Variants in VAV3 observed in about 807,000 individuals in gnomAD.
The protein encoded by VAV3 is vav guanine nucleotide exchange factor 3.
In VAV3, 94 loss-of-function variants were observed where a neutral mutation model predicts 131.2. That is an observed-to-expected ratio of 0.72 (90% CI 0.61 to 0.85). VAV3 has a LOEUF of 0.85. Ranked by LOEUF, VAV3 falls within the 40% of genes least tolerant of loss-of-function variation. The probability of loss-of-function intolerance (pLI) is 0.00; values close to 1 mark genes in which losing one functional copy is unlikely to be tolerated. For synonymous variants in VAV3, 349 were observed against 342.0 expected (o/e 1.02, Z -0.22); for missense variants, 939 against 1,002.7 (o/e 0.94, Z 0.86).
intron 1 of VAV3, among the ~76,000 whole-genome samples, chr1:107,912,441 G>A (rs1382962160): frequency 6.6e-6 from 1 of 152,084 alleles, no homozygotes; most frequent in Non-Finnish European, 1.5e-5. Flanking sequence ...CTTATCCTCT[G>A]ATTTTTAAAA....
chr1:107,954,749 A>G (rs1265774221), intron 1 of VAV3, among the ~76,000 whole-genome samples: 1 of 148,484 alleles, frequency 6.7e-6, no homozygotes, highest in Non-Finnish European at 1.5e-5. Context: ...AGCCCCACAC[A>G]ACAGGAAAAT....
At chr1:107,603,649 C>G (rs928617902) in intron 22 of VAV3, among the ~76,000 whole-genome samples, 5 of 151,894 alleles carry the variant, frequency 3.3e-5, no homozygotes, top group Non-Finnish European at 7.4e-5. Flanking sequence ...CATTCGTCCA[C>G]AATTTTGATA....
At chr1:107,728,897 T>G (rs1662043715) in intron 15 of VAV3, among the ~76,000 whole-genome samples, 1 of 152,216 alleles carries the variant, frequency 6.6e-6, no homozygotes, top group Non-Finnish European at 1.5e-5. Flanking sequence ...AGAATAGTTT[T>G]AAATTCATTA....
intron 1 of VAV3, among the ~76,000 whole-genome samples, chr1:107,954,736 G>A (rs1674719343): frequency 6.8e-6 from 1 of 147,900 alleles, no homozygotes; most frequent in Non-Finnish European, 1.5e-5. Context: ...ACTCCTCCAA[G>A]GGAGCCCCAC....
chr1:107,655,826 G>A (rs1241834343), intron 19 of VAV3, among the ~76,000 whole-genome samples: 3 of 152,058 alleles, frequency 2.0e-5, no homozygotes, highest in African/African-American at 7.2e-5. Context: ...AGACATATTA[G>A]TCGTCAACAG....
At chr1:107,728,685 A>G (rs1453982865) in intron 15 of VAV3, among the ~76,000 whole-genome samples, 2 of 149,178 alleles carry the variant, frequency 1.3e-5, no homozygotes, top group African/African-American at 5.0e-5. Context: ...TCAGCTCTAC[A>G]AAGGGAAAGG....
At chr1:107,784,510 CA>C (rs1005409328) in intron 2 of VAV3, among the ~76,000 whole-genome samples, 1 of 152,078 alleles carries the variant, frequency 6.6e-6, no homozygotes, top group African/African-American at 2.4e-5. Flanking sequence ...ATGACTAGGA[CA>C]AAAGGCATGA....
At chr1:107,747,710 C>T (rs182186202) in intron 15 of VAV3, among the ~76,000 whole-genome samples, 21 of 152,244 alleles carry the variant, frequency 1.4e-4, no homozygotes, top group African/African-American at 5.1e-4. Flanking sequence ...GATGAGGAAA[C>T]TGAGGCTGTG....
chr1:107,727,486 C>T (rs993783577), intron 15 of VAV3, among the ~76,000 whole-genome samples: 2 of 152,188 alleles, frequency 1.3e-5, no homozygotes, highest in Admixed American at 1.3e-4. Flanking sequence ...AACCTCCAAA[C>T]ACCTTTATGA....
intron 4 of VAV3, among the ~76,000 whole-genome samples, chr1:107,774,055 T>C (rs1256656657): frequency 6.6e-6 from 1 of 152,004 alleles, no homozygotes; most frequent in African/African-American, 2.4e-5. Flanking sequence ...GCACAGACTT[T>C]TCTCTATTTT....
At chr1:107,785,578 T>C (rs949398538) in intron 2 of VAV3, 100 of 1,194,168 alleles carry the variant, frequency 8.4e-5, no homozygotes, top group Non-Finnish European at 1.0e-4. Flanking sequence ...TAGGTTGCTA[T>C]CTAGCAGCAG....
At chr1:107,689,029 C>A (rs1174391320) in intron 17 of VAV3, among the ~76,000 whole-genome samples, 1 of 152,078 alleles carries the variant, frequency 6.6e-6, no homozygotes, top group Non-Finnish European at 1.5e-5. Context: ...TCCTTCATTA[C>A]ATTTCAGGCC....
chr1:107,726,040 T>A (rs540513763), intron 15 of VAV3, among the ~76,000 whole-genome samples: 49 of 152,198 alleles, frequency 3.2e-4, no homozygotes, highest in Admixed American at 6.5e-4. Flanking sequence ...CAAAAAAAAA[T>A]TCTCTAATGA....
intron 18 of VAV3, 127 bp from the exon 19 acceptor site, chr1:107,683,660 A>G: frequency 1.1e-6 from 1 of 903,716 alleles, no homozygotes; most frequent in Non-Finnish European, 1.8e-6. Context: ...AAGTATGACT[A>G]AATTTGATCA....
At chr1:107,650,136 G>A (rs527328305) in intron 19 of VAV3, among the ~76,000 whole-genome samples, 3 of 152,202 alleles carry the variant, frequency 2.0e-5, no homozygotes, top group South Asian at 4.1e-4. Flanking sequence ...GAACTTGAAA[G>A]TACTTGAGGG....
chr1:107,669,486 G>T (rs763397560), intron 19 of VAV3: 1 of 1,281,792 alleles, frequency 7.8e-7, no homozygotes, highest in South Asian at 1.3e-5. Context: ...ATAAAGACAA[G>T]AAAGAAATAA....
intron 1 of VAV3, among the ~76,000 whole-genome samples, chr1:107,926,911 T>G (rs1673184968): frequency 6.6e-6 from 1 of 152,102 alleles, no homozygotes; most frequent in Non-Finnish European, 1.5e-5. Flanking sequence ...AGTGTTGAAC[T>G]GGGCTCAGAG....
chr1:107,908,820 AACACACACACACACACACACACACAC>A (rs59211285), intron 1 of VAV3, among the ~76,000 whole-genome samples: 21 of 129,332 alleles, frequency 1.6e-4, no homozygotes, highest in African/African-American at 4.5e-4. Flanking sequence ...GCCCCACTCA[AACACACACACACACACACACACACAC>A]ACACACACAC....
At chr1:107,800,429 T>C (rs1018866892) in intron 2 of VAV3, among the ~76,000 whole-genome samples, 7 of 152,082 alleles carry the variant, frequency 4.6e-5, no homozygotes, top group African/African-American at 1.4e-4. Context: ...TTTAATTTGC[T>C]TTTCTGTGAT....
Sources: allele counts gnomAD v4.1 joint callset (sites outside exome capture counted in the v4.1 genomes callset), GRCh38; gene constraint gnomAD v4.1.1; transcripts MANE v1.5; gene names NCBI Gene and HGNC (gene_info 2026-07-23, HGNC 2026-07-21).